The following TMEM200A variants were observed in gnomAD, a reference collection of about 807,000 sequenced individuals.
The protein encoded by TMEM200A is transmembrane protein 200A.
Under a neutral mutation model 24.3 loss-of-function variants are expected in TMEM200A, and 12 were observed. The observed-to-expected ratio is 0.49, with a 90% CI of 0.32 to 0.80. The LOEUF is 0.80. Ranked by LOEUF, TMEM200A falls within the 30% of genes least tolerant of loss-of-function variation. TMEM200A has a pLI of 0.04. For synonymous variants in TMEM200A, 224 were observed against 224.4 expected, an observed-to-expected ratio of 1.00 and a Z score of 0.02; for missense variants, 545 against 614.4, an observed-to-expected ratio of 0.89 and a Z score of 1.19.
At chr6:130,389,163 G>A (rs556379772) in intron 2 of TMEM200A, among the ~76,000 whole-genome samples, 117 of 152,186 alleles carry the variant, frequency 7.7e-4, no homozygotes, top group African/African-American at 2.6e-3. Flanking sequence ...TTGTAATGTA[G>A]TCCCCTGATT....
rs542978004 is a variant in TMEM200A, at chr6:130,429,157, T to A, written c.-16-11250T>A. Among the ~76,000 whole-genome samples, 22 of 152,246 alleles carry A rather than the reference T, an allele frequency of 1.4e-4. 1 individual carries two copies. Among genetic ancestry groups the A allele is most frequent in the African/African-American group, 5.3e-4 (22 of 41,528 alleles). ...TTCCATAAAAATTACTAACTGGATT[T>A]AAAAAAATCAAATTATAAAGTTCAT... On this transcript the variant is annotated intron_variant, in intron 2 of 2. Coordinates refer to ENST00000296978, the MANE Select transcript of TMEM200A (RefSeq NM_001258277.2).
intron 2 of TMEM200A, among the ~76,000 whole-genome samples, chr6:130,416,424 T>C (rs1020164272): frequency 2.0e-5 from 3 of 152,138 alleles, no homozygotes; most frequent in African/African-American, 7.2e-5. Flanking sequence ...AAAACTAAAC[T>C]CTTTCTTCAA....
chr6:130,422,712 T>C (rs568598031), intron 2 of TMEM200A, among the ~76,000 whole-genome samples: 18 of 152,330 alleles, frequency 1.2e-4, no homozygotes, highest in African/African-American at 3.8e-4. Flanking sequence ...ACATGGGAAC[T>C]GTTTTGTACC....
At chr6:130,391,516 C>G (rs976305873) in intron 2 of TMEM200A, among the ~76,000 whole-genome samples, 9 of 152,120 alleles carry the variant, frequency 5.9e-5, no homozygotes, top group African/African-American at 2.2e-4. Context: ...CTCTCCCGCT[C>G]TCTCTTAAAC....
intron 1 of TMEM200A, among the ~76,000 whole-genome samples, chr6:130,375,603 C>T (rs186713073): frequency 5.3e-5 from 8 of 152,244 alleles, no homozygotes; most frequent in South Asian, 4.1e-4. Context: ...AGAGTGCATG[C>T]GCTCATTTAG....
At chr6:130,412,652 A>G (rs1779359523) in intron 2 of TMEM200A, among the ~76,000 whole-genome samples, 1 of 152,128 alleles carries the variant, frequency 6.6e-6, no homozygotes, top group Admixed American at 6.5e-5. Context: ...GCCAAGCCCT[A>G]GCACCCCACT....
chr6:130,439,798 TAATATCCATGG>T (rs1474150473), intron 2 of TMEM200A, among the ~76,000 whole-genome samples: 1 of 151,970 alleles, frequency 6.6e-6, no homozygotes, highest in African/African-American at 2.4e-5. Flanking sequence ...GGAGGGGCAG[TAATATCCATGG>T]AAGCAGAGAG....
At chr6:130,394,406 G>A (rs1182037258) in intron 2 of TMEM200A, among the ~76,000 whole-genome samples, 3 of 152,124 alleles carry the variant, frequency 2.0e-5, no homozygotes, top group Non-Finnish European at 2.9e-5. Context: ...ATGCATCCCC[G>A]TAAATACTCA....
chr6:130,408,255 G>A (rs1370329052), intron 2 of TMEM200A, among the ~76,000 whole-genome samples: 1 of 152,198 alleles, frequency 6.6e-6, no homozygotes, highest in Non-Finnish European at 1.5e-5. Flanking sequence ...AGAAGGATCA[G>A]GAGGGAGCAT....
intron 2 of TMEM200A, among the ~76,000 whole-genome samples, chr6:130,398,310 A>G (rs888052545): frequency 6.6e-6 from 1 of 152,054 alleles, no homozygotes; most frequent in Non-Finnish European, 1.5e-5. Flanking sequence ...TAATTTTTGT[A>G]TGGCTGCATA....
At chr6:130,426,470 C>CT (rs1554284291) in intron 2 of TMEM200A, among the ~76,000 whole-genome samples, 1 of 146,806 alleles carries the variant, frequency 6.8e-6, no homozygotes, top group Admixed American at 6.7e-5. Context: ...GCCCCCCCCC[C>CT]CTCAGTTTCC....
rs7759389 is a variant in TMEM200A, at chr6:130,371,863, A to G, written c.-81+5339A>G. Among the ~76,000 whole-genome samples, 212 of 152,304 alleles carry G rather than the reference A, an allele frequency of 1.4e-3. 3 individuals carry two copies. The highest frequency in any genetic ancestry group is 4.8e-3 in the African/African-American group (200 of 41,572). The stretch of plus-strand genomic sequence containing the variant: ...CTTCCTGGTGTAAGTTGATAAGAAT[A>G]TGGAATGGGCAGCTCCTCAGAGGGA... On this transcript the variant is annotated intron_variant, in intron 1 of 2. Coordinates refer to ENST00000296978, the MANE Select transcript of TMEM200A (RefSeq NM_001258277.2).
At chr6:130,427,724 C>CT (rs374467252) in intron 2 of TMEM200A, among the ~76,000 whole-genome samples, 4,058 of 144,712 alleles carry the variant, frequency 0.028, 118 homozygotes, top group African/African-American at 0.076. Flanking sequence ...ATCTTTTTGT[C>CT]TTTTTTTTTT....
At chr6:130,403,520 G>T (rs6904914) in intron 2 of TMEM200A, among the ~76,000 whole-genome samples, 50,878 of 151,828 alleles carry the variant, frequency 0.34, 12,009 homozygotes, top group African/African-American at 0.67. Flanking sequence ...TGCTAAAAAT[G>T]ATAGAATTTT....
intron 2 of TMEM200A, among the ~76,000 whole-genome samples, chr6:130,411,155 G>A (rs1229099436): frequency 2.7e-5 from 4 of 147,930 alleles, no homozygotes; most frequent in African/African-American, 1.0e-4. Context: ...GGCGAGGAGT[G>A]AAACTCCATC....
chr6:130,411,188 T>C (rs1008725260), intron 2 of TMEM200A, among the ~76,000 whole-genome samples: 3 of 152,018 alleles, frequency 2.0e-5, no homozygotes, highest in South Asian at 4.2e-4. Flanking sequence ...AAAATCAATA[T>C]GGCATCTTAC....
rs1486120545 is a variant in TMEM200A at position 130,366,367 on chromosome 6, C to CTGCCCGCGGCGGCCGAGA, written c.-236_-219dup. 2 of 985,240 alleles carry CTGCCCGCGGCGGCCGAGA rather than the reference C, an allele frequency of 2.0e-6. No individual in the cohort carries two copies. The highest frequency in any genetic ancestry group is 2.4e-6 in the Non-Finnish European group (2 of 829,958). The allele number at this position is 985,240 out of a possible 1,614,324, so 61.0% of individuals were successfully genotyped here. On this transcript the variant is annotated 5_prime_UTR_variant, in exon 1 of 3. It adds an upstream start codon to the 5' untranslated region. Coordinates refer to ENST00000296978, the MANE Select transcript of TMEM200A (RefSeq NM_001258277.2). The surrounding 1 kb of genome is among the most constrained non-coding windows in gnomAD (Gnocchi z 4.4). ...CCTGGGATGGGGAGGGAGACCGCGG[C>CTGCCCGCGGCGGCCGAGA]TGCCCGCGGCGGCCGAGATTCCCGC...
intron 1 of TMEM200A, among the ~76,000 whole-genome samples, chr6:130,372,268 T>G (rs1778338954): frequency 6.6e-6 from 1 of 152,126 alleles, no homozygotes; most frequent in African/African-American, 2.4e-5. Flanking sequence ...AAGCTAACTT[T>G]TAGACATCTG....
chr6:130,436,206 G>C (rs1407706325), intron 2 of TMEM200A, among the ~76,000 whole-genome samples: 1 of 152,182 alleles, frequency 6.6e-6, no homozygotes, highest in African/African-American at 2.4e-5. Context: ...CTTAGCCTCA[G>C]TAACCTGAAA....
Sources: allele counts gnomAD v4.1 joint callset (sites outside exome capture counted in the v4.1 genomes callset), GRCh38; gene constraint gnomAD v4.1.1; non-coding constraint Gnocchi (gnomAD v3.1); transcripts MANE v1.5; gene names NCBI Gene and HGNC (gene_info 2026-07-23, HGNC 2026-07-21).